KCNB2: variants seen among roughly 807,000 people sequenced by gnomAD.
KCNB2 encodes delayed rectifier potassium channel protein.
A neutral mutation model predicts 61.5 loss-of-function variants in KCNB2; 15 were observed. The ratio of observed to expected loss-of-function variants is 0.24; its 90% confidence interval spans 0.16 to 0.38. KCNB2 has a LOEUF of 0.38. Ranked by LOEUF, KCNB2 falls within the 10% of genes least tolerant of loss-of-function variation. The pLI is 1.00. For missense variants in KCNB2, 828 were observed against 1,125.2 expected (o/e 0.74, Z 3.78); for synonymous variants, 457 against 446.0 (o/e 1.02, Z -0.31).
chr8:72,603,729 C>A (rs1441693880), intron 2 of KCNB2, among the ~76,000 whole-genome samples: 1 of 152,074 alleles, frequency 6.6e-6, no homozygotes, highest in Non-Finnish European at 1.5e-5. Context: ...AGGCTTGCTG[C>A]AGATGTCATT....
chr8:72,886,038 C>T (rs532206500), intron 2 of KCNB2, among the ~76,000 whole-genome samples: 21 of 152,252 alleles, frequency 1.4e-4, no homozygotes, highest in South Asian at 2.1e-4. Flanking sequence ...TCCCTACCTT[C>T]GTATCCCATA....
intron 1 of KCNB2, among the ~76,000 whole-genome samples, chr8:72,563,481 G>A (rs1008203887): frequency 1.5e-4 from 23 of 152,026 alleles, no homozygotes; most frequent in African/African-American, 4.8e-4. Flanking sequence ...TATTAAGATT[G>A]GCTACAGAAA....
intron 1 of KCNB2, among the ~76,000 whole-genome samples, chr8:72,556,994 C>T (rs533300016): frequency 3.9e-5 from 6 of 152,234 alleles, no homozygotes; most frequent in African/African-American, 1.4e-4. Flanking sequence ...GTCAAGGACA[C>T]AGGCAGCTGT....
intron 2 of KCNB2, among the ~76,000 whole-genome samples, chr8:72,597,092 C>CGG (rs1563534054): frequency 7.2e-6 from 1 of 139,748 alleles, no homozygotes; most frequent in East Asian, 2.3e-4. Context: ...GGCACGATCT[C>CGG]GGCTCACTGC....
At chr8:72,837,437 G>A (rs1270175144) in intron 2 of KCNB2, among the ~76,000 whole-genome samples, 4 of 152,114 alleles carry the variant, frequency 2.6e-5, no homozygotes, top group East Asian at 3.8e-4. Flanking sequence ...ACATTAAAAC[G>A]CTCTGATACT....
At chr8:72,678,499 C>T (rs538860157) in intron 2 of KCNB2, among the ~76,000 whole-genome samples, 3 of 152,272 alleles carry the variant, frequency 2.0e-5, no homozygotes, top group Admixed American at 6.5e-5. Context: ...ATGATTCTAG[C>T]TCAGGGCCTT....
chr8:72,748,735 T>C (rs1000324037), intron 2 of KCNB2, among the ~76,000 whole-genome samples: 2 of 151,968 alleles, frequency 1.3e-5, no homozygotes, highest in Non-Finnish European at 2.9e-5. Flanking sequence ...TTCTTATTTT[T>C]ATTGACAACA....
At chr8:72,925,352 T>C (rs1288415646) in intron 2 of KCNB2, among the ~76,000 whole-genome samples, 1 of 152,208 alleles carries the variant, frequency 6.6e-6, no homozygotes, top group African/African-American at 2.4e-5. Flanking sequence ...ATGAATATGC[T>C]TTCAGGGGAC....
In KCNB2 at chr8:72,769,452, A is replaced by G. The variant is rs1563379952; in HGVS notation, c.580-166483A>G. Among the ~76,000 whole-genome samples the G allele has an allele frequency of 1.7e-4, 26 of 152,184 alleles. 1 individual carries two copies. Among genetic ancestry groups the G allele is most frequent in the Admixed American group, 1.6e-3 (25 of 15,276 alleles). On this transcript the variant is annotated intron_variant, in intron 2 of 2. Coordinates refer to ENST00000523207, the MANE Select transcript of KCNB2 (RefSeq NM_004770.3). ...TGCACTATAGCAAATGTTCTAATAG[A>G]GATATGCACAGACAAAACTGAAACA...
chr8:72,668,895 C>T (rs192620767), intron 2 of KCNB2, among the ~76,000 whole-genome samples: 1 of 151,900 alleles, frequency 6.6e-6, no homozygotes, highest in East Asian at 1.9e-4. Flanking sequence ...ATGATGGAAG[C>T]TGTTATTTTT....
Position 72,598,951 on chromosome 8 carries a change from T to G in KCNB2, c.579+30638T>G, listed in dbSNP as rs1413733309. 2.6e-5 allele frequency among the ~76,000 whole-genome samples: 4 copies of G among 152,030 alleles called. No individual in the cohort carries two copies. The South Asian group carries it at 6.2e-4, about 24-fold the overall frequency. ...CACAACTCAATGAAATAAAAGAGGA[T>G]ACAAACAAATGGAAGAACATTCCAT... On this transcript the variant is annotated intron_variant, in intron 2 of 2. Transcript: ENST00000523207.
chr8:72,634,730 A>G (rs1206281063), intron 2 of KCNB2, among the ~76,000 whole-genome samples: 1 of 152,204 alleles, frequency 6.6e-6, no homozygotes, highest in Non-Finnish European at 1.5e-5. Context: ...AAAGAGAATA[A>G]TGTAATTTAA....
chr8:72,538,655 T>C (rs1174256547), intron 1 of KCNB2, among the ~76,000 whole-genome samples: 1 of 152,216 alleles, frequency 6.6e-6, no homozygotes, highest in Admixed American at 6.5e-5. Context: ...AAAAATTTAG[T>C]ATGCACATAC....
At chr8:72,866,534 A>G (rs1463607881) in intron 2 of KCNB2, among the ~76,000 whole-genome samples, 1 of 152,184 alleles carries the variant, frequency 6.6e-6, no homozygotes, top group Non-Finnish European at 1.5e-5. Flanking sequence ...TTCCACTCCA[A>G]AAGTACTTGA....
chr8:72,542,802 G>A (rs1005909608), intron 1 of KCNB2, among the ~76,000 whole-genome samples: 1 of 152,154 alleles, frequency 6.6e-6, no homozygotes, highest in Admixed American at 6.5e-5. Context: ...TCCAGGGACT[G>A]CAATCCCTTC....
At chr8:72,601,152 A>G (rs1009053926) in intron 2 of KCNB2, among the ~76,000 whole-genome samples, 1 of 152,206 alleles carries the variant, frequency 6.6e-6, no homozygotes. Flanking sequence ...AGAGCATTTC[A>G]TTTAATATTC....
intron 2 of KCNB2, among the ~76,000 whole-genome samples, chr8:72,752,655 T>A (rs1165010055): frequency 6.6e-6 from 1 of 152,196 alleles, no homozygotes; most frequent in Admixed American, 6.5e-5. Flanking sequence ...AACTTGTAGA[T>A]GGCACGTCGT....
intron 2 of KCNB2, among the ~76,000 whole-genome samples, chr8:72,888,906 T>C (rs1805851093): frequency 6.6e-6 from 1 of 152,320 alleles, no homozygotes; most frequent in East Asian, 1.9e-4. Context: ...AATGTATTTT[T>C]GCCATCTGCT....
chr8:72,864,331 C>T (rs551187641), intron 2 of KCNB2, among the ~76,000 whole-genome samples: 1 of 152,298 alleles, frequency 6.6e-6, no homozygotes, highest in South Asian at 2.1e-4. Context: ...AAAATATCCA[C>T]TAAATAGATC....
Sources: gnomAD v4.1 joint callset for allele counts (sites outside exome capture counted in the v4.1 genomes callset) on GRCh38, gnomAD v4.1.1 for gene constraint, MANE v1.5 for transcripts, NCBI Gene and HGNC (gene_info 2026-07-23, HGNC 2026-07-21) for gene names.